ALLC: variants seen among roughly 807,000 people sequenced by gnomAD.
ALLC encodes the protein allantoicase, also known as probable inactive allantoicase.
A neutral mutation model predicts 45.0 loss-of-function variants in ALLC; 40 were observed. The observed-to-expected ratio is 0.89, with a 90% CI of 0.69 to 1.16. The LOEUF is 1.16. ALLC is among the 50% of genes most tolerant of loss of function. ALLC has a pLI of 0.00. For missense variants in ALLC, 488 were observed against 493.1 expected (o/e 0.99, Z 0.10); for synonymous variants, 176 against 178.1 (o/e 0.99, Z 0.09).
intron 8 of ALLC, 64 bp from the exon 9 acceptor site, chr2:3,696,211 C>T (rs986122364): frequency 1.2e-5 from 16 of 1,290,366 alleles, no homozygotes; most frequent in Non-Finnish European, 1.7e-5. Context: ...TTAATTACAG[C>T]AATGTATTCA....
chr2:3,669,066 G>T (rs1666799003), intron 1 of ALLC, among the ~76,000 whole-genome samples: 1 of 152,118 alleles, frequency 6.6e-6, no homozygotes, highest in African/African-American at 2.4e-5. Flanking sequence ...GCCAGGCACA[G>T]TGGCTCACAC....
intron 1 of ALLC, among the ~76,000 whole-genome samples, chr2:3,666,660 C>T (rs115644134): frequency 6.6e-6 from 1 of 152,244 alleles, no homozygotes; most frequent in Non-Finnish European, 1.5e-5. Flanking sequence ...CATCACCCAG[C>T]CTTGATGAGC....
At chr2:3,650,641 T>A in the ALLC span, among the ~76,000 whole-genome samples, 1 of 152,166 alleles carries the variant, frequency 6.6e-6, no homozygotes, top group Non-Finnish European at 1.5e-5. Flanking sequence ...GCTCTGCTCC[T>A]GGGGCGTCTC....
intron 1 of ALLC, among the ~76,000 whole-genome samples, chr2:3,659,838 A>G (rs1464810378): frequency 6.6e-6 from 1 of 152,228 alleles, no homozygotes; most frequent in Non-Finnish European, 1.5e-5. Context: ...TACTTCTGGG[A>G]TTTGTGGCTG....
intron 4 of ALLC, 120 bp from the exon 5 acceptor site, chr2:3,679,749 T>A: frequency 5.7e-6 from 8 of 1,409,128 alleles, no homozygotes; most frequent in Non-Finnish European, 7.9e-6. Context: ...GAACAGTTTT[T>A]TCTGTGATGG....
intron 5 of ALLC, 103 bp from the exon 6 acceptor site, chr2:3,681,531 G>A (rs1667178404): frequency 1.4e-6 from 1 of 708,370 alleles, no homozygotes; most frequent in African/African-American, 1.8e-5. Context: ...AATATCTTTA[G>A]TGTTATTTGC....
At chr2:3,660,487 G>C (rs1666545587) in intron 1 of ALLC, among the ~76,000 whole-genome samples, 1 of 152,054 alleles carries the variant, frequency 6.6e-6, no homozygotes, top group African/African-American at 2.4e-5. Flanking sequence ...TGCCTTTACT[G>C]TTATTATAAA....
intron 10 of ALLC, among the ~76,000 whole-genome samples, chr2:3,700,664 G>A (rs906046934): frequency 6.6e-6 from 1 of 152,092 alleles, no homozygotes; most frequent in African/African-American, 2.4e-5. Context: ...AATACACAAA[G>A]CTTAATATAC....
chr2:3,688,577 G>T, intron 7 of ALLC: 1 of 207,504 alleles, frequency 4.8e-6, no homozygotes, highest in African/African-American at 2.4e-5. Context: ...TACTTCTCAT[G>T]ATTCACACCC....
Position 3,682,984 on chromosome 2 carries a change from C to A in ALLC, c.421C>A (p.Leu141Ile). 3 of 1,614,008 alleles carry A rather than the reference C, an allele frequency of 1.9e-6. No individual in the cohort carries two copies. Among genetic ancestry groups the A allele is most frequent in the Non-Finnish European group, 2.5e-6 (3 of 1,179,874 alleles). Residue 141 changes from leucine to isoleucine, a missense_variant, in exon 7 of 12, where the codon CTT (leucine) becomes ATT (isoleucine). Coordinates refer to ENST00000252505, the MANE Select transcript of ALLC (RefSeq NM_018436.4). ...DWSYLVPMTE[L>I]KPGNPASGHN... Reference sequence around the variant, plus strand: ...GAGTTACTTGGTTCCCATGACTGAGCTTAAGCCAGGAAACCCTGCTTCCGG... The same window carrying A: ...GAGTTACTTGGTTCCCATGACTGAGATTAAGCCAGGAAACCCTGCTTCCGG...
At chr2:3,661,368 C>G (rs1666572632) in intron 1 of ALLC, among the ~76,000 whole-genome samples, 1 of 152,138 alleles carries the variant, frequency 6.6e-6, no homozygotes, top group Non-Finnish European at 1.5e-5. Context: ...GGCAGAAAAG[C>G]CTCAAGCAGG....
upstream of ALLC, among the ~76,000 whole-genome samples, chr2:3,656,281 G>T (rs770974954): frequency 5.5e-4 from 83 of 152,002 alleles, no homozygotes; most frequent in Middle Eastern, 3.4e-3. Context: ...AAGGCAGGAG[G>T]GTTGAAGCCC....
rs6730396 is a variant in ALLC at position 3,701,529 on chromosome 2, T to C, written c.868T>C (p.Cys290Arg). The part of the protein sequence containing the change: ...KYFEGNAPDS[C>R]KVDGCILTTQ... ...TCCAACAGGCAATGCTCCTGACAGC[T>C]GTAAAGTGGATGGGTGCATCCTGAC... The change falls in exon 11 of 12, where the codon TGT becomes CGT. Residue 290 changes from cysteine to arginine, a missense_variant. By Grantham distance (180) the Cys-to-Arg change is radical. Coordinates refer to ENST00000252505, the MANE Select transcript of ALLC (RefSeq NM_018436.4). 2.2e-3 allele frequency: 3,571 copies of C among 1,597,114 alleles called. 84 individuals carry two copies. The African/African-American group carries it at 0.042, about 19-fold the overall frequency.
chr2:3,648,723 C>G, the ALLC span, among the ~76,000 whole-genome samples: 1 of 152,208 alleles, frequency 6.6e-6, no homozygotes, highest in African/African-American at 2.4e-5. Flanking sequence ...CAACACCAAC[C>G]CCTGTCCTCC....
At chr2:3,689,522 T>C (rs1667417383) in intron 7 of ALLC, among the ~76,000 whole-genome samples, 1 of 151,162 alleles carries the variant, frequency 6.6e-6, no homozygotes, top group South Asian at 2.1e-4. Flanking sequence ...TTCCAATGTG[T>C]CTCTTATTAT....
At chr2:3,672,652 T>C (rs1051620456) in intron 2 of ALLC, among the ~76,000 whole-genome samples, 7 of 143,894 alleles carry the variant, frequency 4.9e-5, no homozygotes, top group African/African-American at 1.3e-4. Context: ...TGGGAGGTCC[T>C]CTGGCTCTGG....
At chr2:3,663,910 T>C (rs931669278) in intron 1 of ALLC, among the ~76,000 whole-genome samples, 6 of 152,252 alleles carry the variant, frequency 3.9e-5, no homozygotes, top group African/African-American at 1.2e-4. Context: ...ATCAGCCACA[T>C]GTAACTTCCT....
the ALLC span, among the ~76,000 whole-genome samples, chr2:3,650,275 C>T: frequency 1.3e-5 from 2 of 152,286 alleles, no homozygotes; most frequent in East Asian, 3.9e-4. Context: ...TTCCAGGTTC[C>T]TGCAGGAGCT....
chr2:3,682,183 A>C (rs1161612363), intron 6 of ALLC, among the ~76,000 whole-genome samples: 2 of 152,220 alleles, frequency 1.3e-5, no homozygotes, highest in African/African-American at 4.8e-5. Flanking sequence ...ACAGACAGGA[A>C]AGTAAATAAC....
Sources: allele counts gnomAD v4.1 joint callset (sites outside exome capture counted in the v4.1 genomes callset), GRCh38; gene constraint gnomAD v4.1.1; transcripts MANE v1.5; gene names NCBI Gene and HGNC (gene_info 2026-07-23, HGNC 2026-07-21).